The following CNTNAP5 variants were observed in gnomAD, a reference collection of about 807,000 sequenced individuals.
CNTNAP5 encodes the protein contactin-associated protein-like 5.
CNTNAP5 carries 72 observed loss-of-function variants against 150.2 expected under a neutral mutation model. The ratio of observed to expected loss-of-function variants is 0.48; its 90% CI spans 0.40 to 0.58. The LOEUF (loss-of-function observed/expected upper bound fraction) is 0.58. CNTNAP5 is among the 20% of genes least tolerant of loss of function. The pLI, the probability that CNTNAP5 is intolerant of heterozygous loss-of-function variation, is 0.00. For synonymous variants in CNTNAP5, 672 were observed against 619.8 expected (o/e 1.08, Z -1.25); for missense variants, 1,636 against 1,626.2 (o/e 1.01, Z -0.10).
At chr2:124,404,288 G>A (rs1355906302) in intron 3 of CNTNAP5, among the ~76,000 whole-genome samples, 1 of 152,176 alleles carries the variant, frequency 6.6e-6, no homozygotes, top group Non-Finnish European at 1.5e-5. Flanking sequence ...ACTGTAGTTA[G>A]GCAAATTAAT....
chr2:124,484,098 G>T (rs545106108), intron 7 of CNTNAP5, among the ~76,000 whole-genome samples: 118 of 152,320 alleles, frequency 7.7e-4, no homozygotes, highest in African/African-American at 2.6e-3. Flanking sequence ...CACAGCCACT[G>T]CACCAGGTGG....
intron 3 of CNTNAP5, among the ~76,000 whole-genome samples, chr2:124,373,902 T>C (rs1014342261): frequency 1.4e-4 from 22 of 152,178 alleles, no homozygotes; most frequent in African/African-American, 4.8e-4. Flanking sequence ...ATTATATTTA[T>C]GAATAATTTT....
At chr2:124,536,620 G>C (rs1214623625) in intron 10 of CNTNAP5, among the ~76,000 whole-genome samples, 1 of 152,124 alleles carries the variant, frequency 6.6e-6, no homozygotes, top group Non-Finnish European at 1.5e-5. Context: ...AGGTTTTTCT[G>C]ATTCCTCAGT....
At chr2:124,504,766 G>C (rs570197363) in intron 8 of CNTNAP5, among the ~76,000 whole-genome samples, 1 of 148,678 alleles carries the variant, frequency 6.7e-6, no homozygotes, top group Admixed American at 6.8e-5. Context: ...GAGTGCAGTG[G>C]CTCGATCTCA....
intron 13 of CNTNAP5, among the ~76,000 whole-genome samples, chr2:124,732,459 A>T (rs1680292210): frequency 6.6e-6 from 1 of 152,096 alleles, no homozygotes; most frequent in Non-Finnish European, 1.5e-5. Context: ...CACGCATAGG[A>T]TTAATGCCCT....
chr2:124,374,250 A>G (rs1450949883), intron 3 of CNTNAP5, among the ~76,000 whole-genome samples: 2 of 151,352 alleles, frequency 1.3e-5, no homozygotes, highest in African/African-American at 4.9e-5. Flanking sequence ...ATAGGGTTAC[A>G]TAAATAGAAC....
chr2:124,338,085 C>T (rs1689522272), intron 3 of CNTNAP5, among the ~76,000 whole-genome samples: 1 of 151,964 alleles, frequency 6.6e-6, no homozygotes, highest in African/African-American at 2.4e-5. Context: ...CCTTCACATC[C>T]CTTGTAAGTT....
At chr2:124,196,973 T>C (rs1685602174) in intron 1 of CNTNAP5, among the ~76,000 whole-genome samples, 2 of 152,226 alleles carry the variant, frequency 1.3e-5, no homozygotes, top group Admixed American at 1.3e-4. Flanking sequence ...TGGATAAATA[T>C]AGTAGCATGC....
intron 19 of CNTNAP5, among the ~76,000 whole-genome samples, chr2:124,851,054 T>C (rs1194510753): frequency 1.3e-5 from 2 of 152,140 alleles, no homozygotes; most frequent in East Asian, 3.9e-4. Flanking sequence ...CAGAGAAATG[T>C]GACATTAGCT....
chr2:124,239,504 G>A (rs187194006), intron 2 of CNTNAP5, among the ~76,000 whole-genome samples: 5 of 152,076 alleles, frequency 3.3e-5, no homozygotes, highest in Admixed American at 1.3e-4. Context: ...TATTCTTTAC[G>A]CAATAAATCA....
At chr2:124,362,595 G>A (rs1197514713) in intron 3 of CNTNAP5, among the ~76,000 whole-genome samples, 5 of 152,146 alleles carry the variant, frequency 3.3e-5, no homozygotes, top group Non-Finnish European at 5.9e-5. Context: ...AGTACATAAA[G>A]TTAGAAAAAG....
At chr2:124,482,942 T>C (rs1229026245) in intron 7 of CNTNAP5, among the ~76,000 whole-genome samples, 1 of 152,236 alleles carries the variant, frequency 6.6e-6, no homozygotes, top group Non-Finnish European at 1.5e-5. Flanking sequence ...GTCCTACATA[T>C]AAAAGTTTGC....
intron 13 of CNTNAP5, among the ~76,000 whole-genome samples, chr2:124,684,412 A>G (rs976523433): frequency 7.9e-5 from 12 of 152,202 alleles, no homozygotes; most frequent in African/African-American, 2.9e-4. Flanking sequence ...AAAAGTTTCT[A>G]TTGAACACTA....
intron 14 of CNTNAP5, among the ~76,000 whole-genome samples, chr2:124,748,756 C>T (rs1412158776): frequency 3.9e-5 from 6 of 152,164 alleles, no homozygotes; most frequent in East Asian, 3.9e-4. Context: ...ATTATCACTT[C>T]AGAACACCCT....
rs1174088374 is a variant in CNTNAP5 at position 124,916,364 on chromosome 2, A to G, written c.*2076A>G. On this transcript the variant is annotated 3_prime_UTR_variant, in exon 24 of 24. Coordinates refer to ENST00000682447, the MANE Select transcript of CNTNAP5 (RefSeq NM_001367498.1). ...CCCTGCCCTTTCCTCCCTTTCTTCA[A>G]TTTTCATTTTTGAATTTTCTATTTC... Among the ~76,000 whole-genome samples the G allele has an allele frequency of 6.6e-6, 1 of 151,904 alleles. No individual in the cohort carries two copies. Among genetic ancestry groups the G allele is most frequent in the Non-Finnish European group, 1.5e-5 (1 of 67,960 alleles).
intron 3 of CNTNAP5, among the ~76,000 whole-genome samples, chr2:124,410,776 A>G (rs1466572282): frequency 6.6e-6 from 1 of 151,042 alleles, no homozygotes; most frequent in African/African-American, 2.4e-5. Context: ...AAGAGAAAGC[A>G]GGAAAGATCC....
rs1433001114 is a variant in CNTNAP5, at chr2:124,184,846, G to A, written c.83-36859G>A. 2.6e-5 allele frequency among the ~76,000 whole-genome samples: 4 copies of A among 152,086 alleles called. No homozygotes were observed. The South Asian group carries it at 8.3e-4, about 32-fold the overall frequency. On this transcript the variant is annotated intron_variant, in intron 1 of 23. Transcript: ENST00000682447. ...CTAAGATGGAACCATACTTTAAACT[G>A]GGAAGAAGATGGCATGTGTGCACAT...
rs145414535 is a variant in CNTNAP5, at chr2:124,084,247, A to G, written c.82+58515A>G. Among the ~76,000 whole-genome samples, 247 of 151,542 alleles carry G rather than the reference A, an allele frequency of 1.6e-3. 2 individuals carry two copies. Among genetic ancestry groups the G allele is most frequent in the African/African-American group, 5.7e-3 (237 of 41,380 alleles). On this transcript the variant is annotated intron_variant, in intron 1 of 23. Coordinates refer to ENST00000682447, the MANE Select transcript of CNTNAP5 (RefSeq NM_001367498.1). ...TGCAACCTTTTTGATCTCATTTATT[A>G]ATTCCAGAAGTCATTTTGTAGAGGT... is the stretch of plus-strand genomic sequence containing the variant.
At chr2:124,913,269 T>C (rs117268146) in intron 23 of CNTNAP5, among the ~76,000 whole-genome samples, 2 of 152,242 alleles carry the variant, frequency 1.3e-5, no homozygotes, top group East Asian at 1.9e-4. Flanking sequence ...AAATACTACA[T>C]TCATGCAGAG....
Sources: gnomAD v4.1 joint callset for allele counts (sites outside exome capture counted in the v4.1 genomes callset) on GRCh38, gnomAD v4.1.1 for gene constraint, MANE v1.5 for transcripts, NCBI Gene and HGNC (gene_info 2026-07-23, HGNC 2026-07-21) for gene names.